ST6GALNAC3: variants seen among roughly 807,000 people sequenced by gnomAD.
The protein encoded by ST6GALNAC3 is alpha-N-acetylgalactosaminide alpha-2,6-sialyltransferase 3.
In ST6GALNAC3, 25 loss-of-function variants were observed where a neutral mutation model predicts 32.7. The observed-to-expected ratio is 0.76, with a 90% CI of 0.56 to 1.07. The LOEUF (loss-of-function observed/expected upper bound fraction) is 1.07. Among genes scored for constraint, ST6GALNAC3 ranks in the 50% least tolerant of loss-of-function variants. ST6GALNAC3 has a pLI of 0.00. For synonymous variants in ST6GALNAC3, 129 were observed against 133.1 expected (o/e 0.97, Z 0.21); for missense variants, 355 against 382.4 (o/e 0.93, Z 0.60).
intron 1 of ST6GALNAC3, among the ~76,000 whole-genome samples, chr1:76,249,982 T>G (rs1381716487): frequency 1.3e-5 from 2 of 152,238 alleles, no homozygotes; most frequent in African/African-American, 4.8e-5. Flanking sequence ...TAAGAGTGCT[T>G]TGTATATTCT....
chr1:76,338,278 G>A lies in ST6GALNAC3; in HGVS notation c.213+24279G>A, dbSNP rs75259102. On this transcript the variant is annotated intron_variant, in intron 2 of 4. Coordinates refer to ENST00000328299, the MANE Select transcript of ST6GALNAC3 (RefSeq NM_152996.4). ...TAGTAATGGAGACTTGAAATTACAG[G>A]AATCAATGTGTATATGGAAGCCATT... Among the ~76,000 whole-genome samples, 1,240 of 152,244 alleles carry A rather than the reference G, an allele frequency of 8.1e-3. 11 individuals carry two copies. Among genetic ancestry groups the A allele is most frequent in the African/African-American group, 0.028 (1,180 of 41,534 alleles).
At chr1:76,075,398 A>T (rs539208430) in intron 1 of ST6GALNAC3, among the ~76,000 whole-genome samples, 119 of 152,342 alleles carry the variant, frequency 7.8e-4, no homozygotes, top group African/African-American at 2.7e-3. Flanking sequence ...TGAGTTTTCT[A>T]TGAGATCTGC....
At chr1:76,096,453 T>C (rs541573571) in intron 1 of ST6GALNAC3, among the ~76,000 whole-genome samples, 2 of 152,280 alleles carry the variant, frequency 1.3e-5, no homozygotes, top group South Asian at 2.1e-4. Context: ...ATGTAAAAAC[T>C]TGCTTGTTGG....
At chr1:76,356,744 C>G (rs1557817976) in intron 2 of ST6GALNAC3, among the ~76,000 whole-genome samples, 1 of 152,108 alleles carries the variant, frequency 6.6e-6, no homozygotes, top group Non-Finnish European at 1.5e-5. Flanking sequence ...GTCCTGATAC[C>G]TAGGATACAT....
intron 1 of ST6GALNAC3, among the ~76,000 whole-genome samples, chr1:76,203,586 G>A (rs1654657750): frequency 6.6e-6 from 1 of 151,968 alleles, no homozygotes; most frequent in Non-Finnish European, 1.5e-5. Context: ...AAGACAATAA[G>A]GAGTGATAAG....
intron 3 of ST6GALNAC3, among the ~76,000 whole-genome samples, chr1:76,514,531 G>A (rs1397500269): frequency 4.6e-5 from 7 of 152,050 alleles, no homozygotes; most frequent in Non-Finnish European, 8.8e-5. Context: ...CACTCTCTCA[G>A]GAGTGGACTG....
intron 3 of ST6GALNAC3, among the ~76,000 whole-genome samples, chr1:76,447,387 C>T (rs1657055736): frequency 1.3e-5 from 2 of 152,078 alleles, no homozygotes; most frequent in South Asian, 2.1e-4. Flanking sequence ...GGAAACAGCA[C>T]AACAGTTTGG....
chr1:76,162,494 T>C (rs553839330), intron 1 of ST6GALNAC3, among the ~76,000 whole-genome samples: 12 of 152,336 alleles, frequency 7.9e-5, no homozygotes, highest in Admixed American at 5.9e-4. Context: ...GCGGGTGAGT[T>C]AATTAGCTAT....
intron 2 of ST6GALNAC3, among the ~76,000 whole-genome samples, chr1:76,363,026 G>A (rs207460232): frequency 2.6e-5 from 4 of 152,222 alleles, no homozygotes; most frequent in East Asian, 1.9e-4. Flanking sequence ...CCCTGGTAAA[G>A]GTTCTCCATG....
chr1:76,206,173 G>A (rs779092716), intron 1 of ST6GALNAC3, among the ~76,000 whole-genome samples: 2 of 152,186 alleles, frequency 1.3e-5, no homozygotes, highest in Non-Finnish European at 2.9e-5. Flanking sequence ...TGATTCCATG[G>A]TGAAAGGATA....
At chr1:76,311,910 G>A (rs774729704) in intron 1 of ST6GALNAC3, among the ~76,000 whole-genome samples, 18 of 152,246 alleles carry the variant, frequency 1.2e-4, no homozygotes, top group Admixed American at 9.2e-4. Flanking sequence ...GTGTAAAAGC[G>A]TTCCTATTTC....
rs572317268 is a variant in ST6GALNAC3, at chr1:76,517,765, A to T, written c.623+105348A>T. Among the ~76,000 whole-genome samples, 5 of 132,790 alleles carry T rather than the reference A, an allele frequency of 3.8e-5. No individual in the cohort carries two copies. In the South Asian group the frequency reaches 1.4e-3, roughly 37 times the overall value. 87.1% of individuals were successfully genotyped at this position (132,790 alleles called of 152,430 possible). On this transcript the variant is annotated intron_variant, in intron 3 of 4. Coordinates refer to ENST00000328299, the MANE Select transcript of ST6GALNAC3 (RefSeq NM_152996.4). ...AGTATATATTCACAGCGACTCAGTG[A>T]TTTTAATTTTGAATTCCTCTTACAG... is the stretch of plus-strand genomic sequence containing the variant.
At chr1:76,100,928 C>A (rs1392133007) in intron 1 of ST6GALNAC3, among the ~76,000 whole-genome samples, 2 of 151,762 alleles carry the variant, frequency 1.3e-5, no homozygotes, top group East Asian at 1.9e-4. Flanking sequence ...ACCCATATAA[C>A]CCTTGCCCCA....
At position 76,091,362 on chromosome 1, in the gene ST6GALNAC3, A is replaced by G. The variant is rs549397242; in HGVS notation, c.18+16478A>G. Among the ~76,000 whole-genome samples, 4 of 152,374 alleles carry G rather than the reference A, an allele frequency of 2.6e-5. No homozygotes were observed. In the South Asian group the frequency reaches 6.2e-4, roughly 24 times the overall value. On this transcript the variant is annotated intron_variant, in intron 1 of 4. Transcript: ENST00000328299. Reference sequence around the variant, plus strand: ...GATCATTGAGTTAAGACTCTTTCTCATGCGGATGAACAGTAAATGCTTGTT... The same window carrying G: ...GATCATTGAGTTAAGACTCTTTCTCGTGCGGATGAACAGTAAATGCTTGTT...
chr1:76,387,264 G>T (rs1652168557), intron 2 of ST6GALNAC3, among the ~76,000 whole-genome samples: 1 of 152,076 alleles, frequency 6.6e-6, no homozygotes, highest in African/African-American at 2.4e-5. Flanking sequence ...CTAAATGTAA[G>T]CTCCCTGAGG....
intron 3 of ST6GALNAC3, among the ~76,000 whole-genome samples, chr1:76,511,150 CCTCTA>C (rs1051240437): frequency 3.5e-4 from 54 of 152,186 alleles, no homozygotes; most frequent in African/African-American, 1.3e-3. Flanking sequence ...GTGTCCCTGC[CCTCTA>C]CTCTTATCCT....
At chr1:76,504,942 TTC>T (rs1220346746) in intron 3 of ST6GALNAC3, among the ~76,000 whole-genome samples, 1 of 152,142 alleles carries the variant, frequency 6.6e-6, no homozygotes, top group African/African-American at 2.4e-5. Flanking sequence ...CTTCCAGTAT[TTC>T]TCTCTCATAC....
At chr1:76,436,699 T>C (rs1226155292) in intron 3 of ST6GALNAC3, among the ~76,000 whole-genome samples, 1 of 152,174 alleles carries the variant, frequency 6.6e-6, no homozygotes, top group Non-Finnish European at 1.5e-5. Flanking sequence ...ACAATAATTT[T>C]TCCTTCATGA....
intron 3 of ST6GALNAC3, among the ~76,000 whole-genome samples, chr1:76,453,778 A>C (rs1430812827): frequency 6.6e-6 from 1 of 152,032 alleles, no homozygotes; most frequent in African/African-American, 2.4e-5. Flanking sequence ...ATGTTCTGTA[A>C]ATATCTGTTA....
Sources: gnomAD v4.1 joint callset for allele counts (sites outside exome capture counted in the v4.1 genomes callset) on GRCh38, gnomAD v4.1.1 for gene constraint, MANE v1.5 for transcripts, NCBI Gene and HGNC (gene_info 2026-07-23, HGNC 2026-07-21) for gene names.